Variants in RPH3A observed in about 807,000 individuals in gnomAD.
RPH3A encodes rabphilin 3A.
RPH3A carries 48 observed loss-of-function variants against 102.2 expected under a neutral mutation model. The observed-to-expected ratio is 0.47, with a 90% confidence interval of 0.37 to 0.60. The LOEUF is 0.60. RPH3A is among the 20% of genes least tolerant of loss of function. RPH3A has a pLI of 0.00. For synonymous variants in RPH3A, 310 were observed against 324.3 expected (o/e 0.96, Z 0.47); for missense variants, 781 against 910.1 (o/e 0.86, Z 1.83).
chr12:112,647,434 C>T (rs1269872270), intron 1 of RPH3A, among the ~76,000 whole-genome samples: 7 of 152,032 alleles, frequency 4.6e-5, no homozygotes, highest in Admixed American at 3.9e-4. Flanking sequence ...ATATCTACTG[C>T]GTGATAGGTG....
intron 1 of RPH3A, among the ~76,000 whole-genome samples, chr12:112,578,420 CAACAA>C: frequency 6.6e-6 from 1 of 152,002 alleles, no homozygotes; most frequent in Non-Finnish European, 1.5e-5. Context: ...CTTCAAAAAG[CAACAA>C]AACAAAACAA....
At chr12:112,608,737 T>C (rs558257945) in intron 1 of RPH3A, among the ~76,000 whole-genome samples, 1 of 152,362 alleles carries the variant, frequency 6.6e-6, no homozygotes, top group South Asian at 2.1e-4. Flanking sequence ...AGACACACTA[T>C]TCTTTTTGTG....
At chr12:112,771,292 CT>C (rs2040926123) in intron 1 of RPH3A, among the ~76,000 whole-genome samples, 1 of 152,208 alleles carries the variant, frequency 6.6e-6, no homozygotes, top group South Asian at 2.1e-4. Flanking sequence ...TCCCTCTGTA[CT>C]TCCCATTTGG....
chr12:112,640,796 A>G (rs570030506), intron 1 of RPH3A, among the ~76,000 whole-genome samples: 20 of 152,122 alleles, frequency 1.3e-4, no homozygotes, highest in Non-Finnish European at 2.6e-4. Context: ...GACAAGTGAG[A>G]ATCCTTTAGT....
chr12:112,803,102 G>A (rs528740043), intron 2 of RPH3A, among the ~76,000 whole-genome samples: 1 of 152,218 alleles, frequency 6.6e-6, no homozygotes, highest in East Asian at 1.9e-4. Flanking sequence ...GGGAGCCTTT[G>A]TCCCAATTGG....
intron 3 of RPH3A, among the ~76,000 whole-genome samples, chr12:112,830,259 A>G (rs1380945293): frequency 6.6e-6 from 1 of 152,118 alleles, no homozygotes; most frequent in East Asian, 1.9e-4. Flanking sequence ...GTATTTTAAA[A>G]TTTCTCTTAT....
At chr12:112,651,038 A>C (rs909276146) in intron 1 of RPH3A, among the ~76,000 whole-genome samples, 1 of 151,360 alleles carries the variant, frequency 6.6e-6, no homozygotes. Context: ...GCAACATTTA[A>C]TTTTTAATAC....
In RPH3A at chr12:112,673,870, T is replaced by C. The variant is rs190189923; in HGVS notation, c.-140+98551T>C. On this transcript the variant is annotated intron_variant, in intron 1 of 21. Transcript: ENST00000543106. ...CTTCCCAGCCTCTGGTAACAATCTG[T>C]CTATTCTCTATCTCCATGAGTTTAA... 5.1e-4 allele frequency among the ~76,000 whole-genome samples: 77 copies of C among 152,186 alleles called. No individual in the cohort carries two copies. The East Asian group carries it at 9.9e-3, about 19-fold the overall frequency.
At chr12:112,748,988 C>T (rs941423495) in intron 1 of RPH3A, among the ~76,000 whole-genome samples, 1 of 152,110 alleles carries the variant, frequency 6.6e-6, no homozygotes, top group Non-Finnish European at 1.5e-5. Context: ...TCTGGCAACA[C>T]TGGGATCCTT....
chr12:112,820,666 T>C (rs959084740), intron 2 of RPH3A, among the ~76,000 whole-genome samples: 1 of 152,234 alleles, frequency 6.6e-6, no homozygotes, highest in Non-Finnish European at 1.5e-5. Context: ...ATACTCATTT[T>C]ATCAATGAGG....
chr12:112,629,674 A>G (rs1209853724), intron 1 of RPH3A, among the ~76,000 whole-genome samples: 3 of 151,852 alleles, frequency 2.0e-5, no homozygotes, highest in African/African-American at 7.3e-5. Flanking sequence ...ACAAAGTCTC[A>G]CTATGCTGCC....
intron 2 of RPH3A, among the ~76,000 whole-genome samples, chr12:112,812,445 G>A (rs1004711873): frequency 6.6e-6 from 1 of 152,216 alleles, no homozygotes; most frequent in African/African-American, 2.4e-5. Context: ...AGAGAAGAAA[G>A]AATGGATTGA....
chr12:112,694,632 ACGCGCGCGCGCG>A (rs752695966), intron 1 of RPH3A, among the ~76,000 whole-genome samples: 77 of 115,074 alleles, frequency 6.7e-4, no homozygotes, highest in Middle Eastern at 7.9e-3. Flanking sequence ...AGACACACGC[ACGCGCGCGCGCG>A]CACACGCACA....
At chr12:112,635,374 A>G (rs921181092) in intron 1 of RPH3A, among the ~76,000 whole-genome samples, 1 of 152,196 alleles carries the variant, frequency 6.6e-6, no homozygotes, top group Non-Finnish European at 1.5e-5. Flanking sequence ...TTTGCCACTT[A>G]CAGGGTGTGT....
chr12:112,704,962 T>C (rs2040418546), intron 1 of RPH3A, among the ~76,000 whole-genome samples: 1 of 152,208 alleles, frequency 6.6e-6, no homozygotes, highest in Non-Finnish European at 1.5e-5. Context: ...CTGAATTGAA[T>C]GCAGTAGAGA....
At chr12:112,763,263 G>A (rs1463849876) in intron 1 of RPH3A, among the ~76,000 whole-genome samples, 3 of 152,246 alleles carry the variant, frequency 2.0e-5, no homozygotes, top group Non-Finnish European at 4.4e-5. Flanking sequence ...ATGTGTCCAT[G>A]ACAAGAGTCA....
rs2136021122 is a variant in RPH3A, at chr12:112,689,433, G to T, written c.-139-102710G>T. 1.3e-5 allele frequency among the ~76,000 whole-genome samples: 2 copies of T among 152,286 alleles called. 1 individual carries two copies. The highest frequency in any genetic ancestry group is 4.1e-4 in the South Asian group (2 of 4,826). On this transcript the variant is annotated intron_variant, in intron 1 of 21. Transcript: ENST00000543106. ...TATGGGTAACAAATTCCAATTTAAA[G>T]CACTATGAAGACCGTATATATTCAA...
At chr12:112,894,338 T>C (rs1027981900) in intron 19 of RPH3A, 2 of 528,608 alleles carry the variant, frequency 3.8e-6, no homozygotes, top group Non-Finnish European at 6.6e-6. Context: ...TTTCTGTTTC[T>C]GTAAACTGAG....
chr12:112,798,378 C>T (rs1310348681), intron 2 of RPH3A, among the ~76,000 whole-genome samples: 2 of 152,130 alleles, frequency 1.3e-5, no homozygotes, highest in African/African-American at 2.4e-5. Flanking sequence ...GTTCATTCAG[C>T]TGCATTTTTC....
Sources: allele counts gnomAD v4.1 joint callset (sites outside exome capture counted in the v4.1 genomes callset), GRCh38; gene constraint gnomAD v4.1.1; transcripts MANE v1.5; gene names NCBI Gene and HGNC (gene_info 2026-07-23, HGNC 2026-07-21).